The following ERC2 variants were observed in gnomAD, a reference collection of about 807,000 sequenced individuals.
The protein encoded by ERC2 is ERC protein 2.
In ERC2, 42 loss-of-function variants were observed where a neutral mutation model predicts 114.8. That is an observed-to-expected ratio of 0.37 (90% confidence interval 0.29 to 0.47). ERC2 has a LOEUF of 0.47. Ranked by LOEUF, ERC2 falls within the 20% of genes least tolerant of loss-of-function variation. The pLI is 0.99. For missense variants in ERC2, 939 were observed against 1,150.7 expected (o/e 0.82, Z 2.66); for synonymous variants, 454 against 425.5 (o/e 1.07, Z -0.82).
chr3:55,706,370 G>T (rs934056098), intron 15 of ERC2, among the ~76,000 whole-genome samples: 5 of 103,470 alleles, frequency 4.8e-5, no homozygotes, highest in African/African-American at 1.2e-4. Flanking sequence ...TGTTTTGTTT[G>T]TTTCTGTTTT....
chr3:55,936,778 G>A (rs2066470626), intron 13 of ERC2, among the ~76,000 whole-genome samples: 1 of 152,166 alleles, frequency 6.6e-6, no homozygotes, highest in African/African-American at 2.4e-5. Flanking sequence ...GCTATGGTAA[G>A]TAAGGTCTTT....
intron 14 of ERC2, among the ~76,000 whole-genome samples, chr3:55,882,295 G>A (rs1401397379): frequency 1.3e-5 from 2 of 152,184 alleles, no homozygotes; most frequent in African/African-American, 4.8e-5. Flanking sequence ...AGCAGCCTGA[G>A]GCCCTCACCA....
intron 4 of ERC2, among the ~76,000 whole-genome samples, chr3:56,163,027 C>A (rs951977731): frequency 1.3e-5 from 2 of 152,060 alleles, no homozygotes. Flanking sequence ...CCTCTTAACA[C>A]TGCTTTTGCT....
intron 17 of ERC2, among the ~76,000 whole-genome samples, chr3:55,517,179 G>T (rs574666146): frequency 3.2e-4 from 48 of 152,136 alleles, no homozygotes; most frequent in African/African-American, 1.1e-3. Flanking sequence ...AATGGCTCAC[G>T]CCTGTAACCT....
chr3:55,900,063 T>G (rs569100897), intron 13 of ERC2, among the ~76,000 whole-genome samples: 1 of 152,316 alleles, frequency 6.6e-6, no homozygotes, highest in South Asian at 2.1e-4. Context: ...GGGCTACTCT[T>G]TAAGGCAGGG....
chr3:55,799,766 A>G (rs1267548109), intron 14 of ERC2, among the ~76,000 whole-genome samples: 1 of 152,090 alleles, frequency 6.6e-6, no homozygotes, highest in Non-Finnish European at 1.5e-5. Flanking sequence ...TGTTGGAATA[A>G]TGTTTGCTTC....
chr3:56,443,951 A>G (rs2062437575), intron 1 of ERC2, among the ~76,000 whole-genome samples: 1 of 126,478 alleles, frequency 7.9e-6, no homozygotes, highest in Admixed American at 9.7e-5. Flanking sequence ...CTTTAAAAAT[A>G]CCTACAATTT....
intron 15 of ERC2, among the ~76,000 whole-genome samples, chr3:55,720,475 A>G (rs1313820683): frequency 1.3e-5 from 2 of 151,296 alleles, no homozygotes; most frequent in East Asian, 4.0e-4. Flanking sequence ...TGTGGAAATG[A>G]GGTCTCACTA....
At chr3:56,160,226 T>C (rs1245181535) in intron 4 of ERC2, among the ~76,000 whole-genome samples, 1 of 152,100 alleles carries the variant, frequency 6.6e-6, no homozygotes, top group Non-Finnish European at 1.5e-5. Flanking sequence ...CTGTGGTTTT[T>C]ATTTGCTTCT....
At chr3:56,098,604 CCT>C (rs1366992218) in intron 6 of ERC2, among the ~76,000 whole-genome samples, 3 of 152,170 alleles carry the variant, frequency 2.0e-5, no homozygotes, top group Non-Finnish European at 1.5e-5. Flanking sequence ...ACTGTTCATA[CCT>C]CTCATAAAGT....
rs2073530556 is a variant in ERC2 at position 56,019,167 on chromosome 3, C to CA, written c.1642-137dup. The CA allele has an allele frequency of 7.4e-6, 5 of 674,630 alleles. No homozygotes were observed. In the Admixed American group the frequency reaches 1.5e-4, roughly 20 times the overall value. The allele number at this position is 674,630 out of a possible 1,614,324, so 41.8% of individuals were successfully genotyped here. On this transcript the variant is annotated intron_variant, in intron 7 of 17. Transcript: ENST00000288221. ...AAATTGTCAGTAGCTTTGACTTAGA[C>CA]AAAAGGCCATTTTGATGAAATCTTC...
intron 5 of ERC2, among the ~76,000 whole-genome samples, chr3:56,148,682 A>C (rs1038731024): frequency 6.6e-6 from 1 of 152,194 alleles, no homozygotes; most frequent in Non-Finnish European, 1.5e-5. Context: ...GATGGTGGAA[A>C]TTTGGAAGAG....
intron 17 of ERC2, among the ~76,000 whole-genome samples, chr3:55,677,978 A>AT (rs1320089870): frequency 2.0e-5 from 3 of 152,170 alleles, no homozygotes; most frequent in Non-Finnish European, 4.4e-5. Context: ...ATGAAGAAAT[A>AT]TTTTTTGAAT....
At chr3:56,198,311 T>G (rs1575788321) in intron 3 of ERC2, among the ~76,000 whole-genome samples, 1 of 152,224 alleles carries the variant, frequency 6.6e-6, no homozygotes, top group East Asian at 1.9e-4. Flanking sequence ...CTTAATGGGC[T>G]AAGGAATTTG....
chr3:55,924,017 AGC>A, intron 13 of ERC2, among the ~76,000 whole-genome samples: 1 of 152,248 alleles, frequency 6.6e-6, no homozygotes, highest in East Asian at 1.9e-4. Flanking sequence ...CTTATTATTA[AGC>A]TGGGGACACA....
At chr3:55,830,886 G>C (rs1283165841) in intron 14 of ERC2, among the ~76,000 whole-genome samples, 1 of 152,162 alleles carries the variant, frequency 6.6e-6, no homozygotes, top group African/African-American at 2.4e-5. Context: ...TGAGGCTGCA[G>C]TGAGCTAGGA....
At chr3:55,511,491 C>G (rs1213869150) in intron 17 of ERC2, among the ~76,000 whole-genome samples, 1 of 152,120 alleles carries the variant, frequency 6.6e-6, no homozygotes, top group Admixed American at 6.5e-5. Context: ...GCAAGTGCAT[C>G]TGAGAAGAGG....
At chr3:56,070,186 A>C (rs994792482) in intron 7 of ERC2, among the ~76,000 whole-genome samples, 14 of 152,262 alleles carry the variant, frequency 9.2e-5, no homozygotes, top group Non-Finnish European at 1.6e-4. Context: ...TAAGTAAAAA[A>C]AGACAGAACA....
intron 13 of ERC2, among the ~76,000 whole-genome samples, chr3:55,946,359 C>A (rs150902042): frequency 1.7e-4 from 26 of 152,224 alleles, no homozygotes; most frequent in African/African-American, 6.3e-4. Flanking sequence ...CTCCTTATTG[C>A]CCAAAATGTT....
Sources: gnomAD v4.1 joint callset for allele counts (sites outside exome capture counted in the v4.1 genomes callset) on GRCh38, gnomAD v4.1.1 for gene constraint, MANE v1.5 for transcripts, NCBI Gene and HGNC (gene_info 2026-07-23, HGNC 2026-07-21) for gene names.